The following STRIP2 variants were observed in gnomAD, a reference collection of about 807,000 sequenced individuals.
The protein encoded by STRIP2 is striatin-interacting protein 2.
STRIP2 carries 84 observed loss-of-function variants against 107.1 expected under a neutral mutation model. The observed-to-expected ratio is 0.78, with a 90% CI of 0.66 to 0.94. The LOEUF is 0.94. STRIP2 is among the 40% of genes least tolerant of loss of function. The pLI is 0.00. For missense variants in STRIP2, 888 were observed against 1,034.2 expected, an observed-to-expected ratio of 0.86 and a Z score of 1.94; for synonymous variants, 394 against 400.4, an observed-to-expected ratio of 0.98 and a Z score of 0.19.
rs773008873 is a variant in STRIP2 at position 129,485,712 on chromosome 7, C to T, written c.2388C>T (p.Ser796=). ...CACCTGTGGATAACTGCTTGCAGAG[C>T]GTACTGGGGCAGAGGTTGGATCTGC... ...EFSPVDNCLQ[S]VLGQRLDLPE... is the part of the protein sequence containing the mutation. The change falls in exon 21 of 21, where the codon AGC becomes AGT. Residue 796 remains serine (S), a synonymous_variant. Coordinates refer to ENST00000249344, the MANE Select transcript of STRIP2 (RefSeq NM_020704.3). 1.3e-5 allele frequency: 21 copies of T among 1,614,008 alleles called. No homozygotes were observed. The highest frequency in any genetic ancestry group is 9.9e-5 in the South Asian group (9 of 91,086).
Position 129,470,205 on chromosome 7 carries a change from C to T in STRIP2, c.1878-444C>T, listed in dbSNP as rs575594172. ...ATCATTCCCCAGAGCTCCCAGCTTT[C>T]AGAAAGATCTGGTGAGAGACACAGG... On this transcript the variant is annotated intron_variant, in intron 17 of 20. Coordinates refer to ENST00000249344, the MANE Select transcript of STRIP2 (RefSeq NM_020704.3). Among the ~76,000 whole-genome samples, 16 of 152,306 alleles carry T rather than the reference C, an allele frequency of 1.1e-4. No homozygotes were observed. The South Asian group carries it at 3.1e-3, about 30-fold the overall frequency.
At position 129,461,587 on chromosome 7, in the gene STRIP2, T is replaced by C. The variant is rs1798538068; in HGVS notation, c.1476+1215T>C. 6.6e-6 allele frequency among the ~76,000 whole-genome samples: 1 copy of C among 152,198 alleles called. No individual in the cohort carries two copies. Among genetic ancestry groups the C allele is most frequent in the African/African-American group, 2.4e-5 (1 of 41,448 alleles). On this transcript the variant is annotated intron_variant, in intron 13 of 20. Coordinates refer to ENST00000249344, the MANE Select transcript of STRIP2 (RefSeq NM_020704.3). The surrounding 1 kb of genome is among the most constrained non-coding windows in gnomAD (Gnocchi z 4.0). ...GTCTTTCAAGAAAAAAGGAGTGATC[T>C]GCTGGGTAAAATGCTACTAATAAGT...
intron 1 of STRIP2, among the ~76,000 whole-genome samples, chr7:129,435,927 A>G (rs1282420775): frequency 2.0e-5 from 3 of 152,044 alleles, no homozygotes; most frequent in Admixed American, 6.6e-5. Context: ...AGTAGGAGGA[A>G]TCCATTCATT....
intron 18 of STRIP2, among the ~76,000 whole-genome samples, chr7:129,470,982 A>C (rs1798776692): frequency 6.6e-6 from 1 of 152,216 alleles, no homozygotes; most frequent in African/African-American, 2.4e-5. Context: ...TAGAAACATA[A>C]TGGGACCGAA....
rs1584951309 is a variant in STRIP2 at position 129,458,625 on chromosome 7, G to A, written c.1275-87G>A. On this transcript the variant is annotated intron_variant, in intron 10 of 20. Transcript: ENST00000249344. The surrounding 1 kb of genome is among the most constrained non-coding windows in gnomAD (Gnocchi z 4.6). ...TTTCCACTGCTCCAGTCCTCTGATT[G>A]GAGGGATAGGAGCCCGGAAAGTTTT... 2 of 1,449,668 alleles carry A rather than the reference G, an allele frequency of 1.4e-6. No individual in the cohort carries two copies. The highest frequency in any genetic ancestry group is 9.6e-7 in the Non-Finnish European group (1 of 1,037,168). The allele number at this position is 1,449,668 out of a possible 1,614,324, so 89.8% of individuals were successfully genotyped here.
At chr7:129,463,830 C>T (rs1205629887) in intron 14 of STRIP2, among the ~76,000 whole-genome samples, 2 of 152,182 alleles carry the variant, frequency 1.3e-5, no homozygotes, top group Non-Finnish European at 2.9e-5. Context: ...ACAGCCAATG[C>T]ACTCCCTCTG....
intron 19 of STRIP2, among the ~76,000 whole-genome samples, chr7:129,482,412 C>G (rs1324377757): frequency 8.5e-6 from 1 of 117,870 alleles, no homozygotes; most frequent in Non-Finnish European, 1.6e-5. Flanking sequence ...GAGTCTTGCT[C>G]TGTCACTCAG....
At chr7:129,466,283 G>T (rs1226295313) in intron 16 of STRIP2, among the ~76,000 whole-genome samples, 2 of 152,120 alleles carry the variant, frequency 1.3e-5, no homozygotes, top group Non-Finnish European at 2.9e-5. Context: ...ATATGTGTTG[G>T]CTCTTTTGTC....
At chr7:129,459,404 G>C in intron 11 of STRIP2, 113 bp from the exon 12 acceptor site, 1 of 876,012 alleles carries the variant, frequency 1.1e-6, no homozygotes, top group Non-Finnish European at 1.9e-6. Flanking sequence ...CTAGGGTACT[G>C]GGGGTAGATG....
At chr7:129,439,337 A>G (rs182175410) in intron 1 of STRIP2, among the ~76,000 whole-genome samples, 125 of 152,352 alleles carry the variant, frequency 8.2e-4, no homozygotes, top group African/African-American at 2.7e-3. Context: ...ATCAAATAGT[A>G]TGTGACAGAG....
chr7:129,446,596 G>T (rs1319146988), intron 3 of STRIP2, among the ~76,000 whole-genome samples: 2 of 152,152 alleles, frequency 1.3e-5, no homozygotes, highest in Non-Finnish European at 2.9e-5. Context: ...CTTTCAGGTG[G>T]TGCCTGCATA....
In STRIP2 at chr7:129,467,330, T is replaced by G; in HGVS notation, c.1777-20T>G. On this transcript the variant is annotated intron_variant, in intron 16 of 20. Transcript: ENST00000249344. The stretch of plus-strand genomic sequence containing the variant: ...TCTCCTCCAAATAAGCAGCCCTTTC[T>G]GCTTTGATTTTTAATTCAGTTTGAA... 6.3e-7 allele frequency: 1 copy of G among 1,583,058 alleles called. No individual in the cohort carries two copies. Among genetic ancestry groups the G allele is most frequent in the Non-Finnish European group, 8.7e-7 (1 of 1,152,476 alleles).
At chr7:129,451,874 G>A in intron 4 of STRIP2, 127 bp downstream of exon 4, 1 of 1,146,790 alleles carries the variant, frequency 8.7e-7, no homozygotes, top group Non-Finnish European at 1.3e-6. Context: ...GACAGATCTT[G>A]TCATGTGCTA....
intron 9 of STRIP2, 142 bp downstream of exon 9, chr7:129,456,784 T>C: frequency 1.4e-6 from 1 of 704,628 alleles, no homozygotes; most frequent in Non-Finnish European, 2.3e-6. Flanking sequence ...ACCTGAAATC[T>C]TAGGGTCTCT....
chr7:129,451,779 G>C (rs749939626), intron 4 of STRIP2, 32 bp downstream of exon 4: 6 of 1,611,668 alleles, frequency 3.7e-6, no homozygotes, highest in East Asian at 2.2e-5. Flanking sequence ...CTTTAGAGGG[G>C]TGGAGGCTTG....
At position 129,464,631 on chromosome 7, in the gene STRIP2, A is replaced by G; in HGVS notation, c.1669A>G (p.Met557Val). 4 of 1,614,116 alleles carry G rather than the reference A, an allele frequency of 2.5e-6. No homozygotes were observed. The highest frequency in any genetic ancestry group is 3.4e-6 in the Non-Finnish European group (4 of 1,180,008). The change falls in exon 16 of 21, where the codon ATG (methionine) becomes GTG (valine). Residue 557 changes from methionine to valine, a missense_variant. Met to Val is a conservative substitution (Grantham distance 21, BLOSUM62 1). Transcript: ENST00000249344. ...TTGTAGCATCACTGTTCTCCAGAGC[A>G]TGAAGCTGGGCATCGATGTGAACAG... ...EEMPITVLQSMKLGIDVNRHK... is the reference protein window; with the variant it reads ...EEMPITVLQSVKLGIDVNRHK...
chr7:129,462,906 A>G, intron 13 of STRIP2, 60 bp from the exon 14 acceptor site: 1 of 1,463,952 alleles, frequency 6.8e-7, no homozygotes, highest in Non-Finnish European at 9.5e-7. Flanking sequence ...ACAACCAAGA[A>G]AAAAAAGCCT....
At chr7:129,475,566 TTC>T (rs1792840946) in intron 18 of STRIP2, among the ~76,000 whole-genome samples, 2 of 121,814 alleles carry the variant, frequency 1.6e-5, no homozygotes, top group African/African-American at 5.4e-5. Flanking sequence ...TTTTTTTTTT[TTC>T]TTTTTATTTT....
chr7:129,469,653 A>G (rs1421814078), intron 17 of STRIP2, among the ~76,000 whole-genome samples: 1 of 152,248 alleles, frequency 6.6e-6, no homozygotes, highest in Non-Finnish European at 1.5e-5. Flanking sequence ...CCCTCTCCCA[A>G]GCTGACCCTT....
Sources: gnomAD v4.1 joint callset for allele counts (sites outside exome capture counted in the v4.1 genomes callset) on GRCh38, gnomAD v4.1.1 for gene constraint, Gnocchi (gnomAD v3.1) non-coding constraint, MANE v1.5 for transcripts, NCBI Gene and HGNC (gene_info 2026-07-23, HGNC 2026-07-21) for gene names.